Variants in IL17RD observed in about 807,000 individuals in gnomAD.
The protein encoded by IL17RD is interleukin 17 receptor D, also known as interleukin-17 receptor D.
In IL17RD, 52 loss-of-function variants were observed where a neutral mutation model predicts 80.5. The ratio of observed to expected loss-of-function variants is 0.65; its 90% confidence interval spans 0.52 to 0.81. The LOEUF is 0.81. Ranked by LOEUF, IL17RD falls within the 40% of genes least tolerant of loss-of-function variation. The pLI, the probability that IL17RD is intolerant of heterozygous loss-of-function variation, is 0.00. For missense variants in IL17RD, 1,024 were observed against 955.1 expected, an observed-to-expected ratio of 1.07 and a Z score of -0.95; for synonymous variants, 416 against 391.8, an observed-to-expected ratio of 1.06 and a Z score of -0.73.
intron 5 of IL17RD, among the ~76,000 whole-genome samples, chr3:57,108,718 A>ATTTTTCAGGCTG (rs1433179106): frequency 1.3e-5 from 2 of 150,030 alleles, no homozygotes; most frequent in Non-Finnish European, 3.0e-5. Context: ...GTTTCACCAT[A>ATTTTTCAGGCTG]TTTTTCAGGC....
At position 57,110,679 on chromosome 3, in the gene IL17RD, T is replaced by G. The variant is rs1298097070; in HGVS notation, c.311-368A>C. ...TACACAGAATACATTTGGCTGATGA[T>G]AATTTCCAGTGTTGACTAGGGAATC... On this transcript the variant is annotated intron_variant, in intron 3 of 12. Coordinates refer to ENST00000296318, the MANE Select transcript of IL17RD (RefSeq NM_017563.5). Among the ~76,000 whole-genome samples, 4 of 152,264 alleles carry G rather than the reference T, an allele frequency of 2.6e-5. No homozygotes were observed. The East Asian group carries it at 7.7e-4, about 29-fold the overall frequency.
intron 1 of IL17RD, among the ~76,000 whole-genome samples, chr3:57,145,044 T>C (rs1394525893): frequency 6.6e-6 from 1 of 152,162 alleles, no homozygotes; most frequent in African/African-American, 2.4e-5. Context: ...CATATGCAGA[T>C]CAACTGTCAA....
chr3:57,137,722 T>C (rs766830855), intron 1 of IL17RD, among the ~76,000 whole-genome samples: 21 of 152,216 alleles, frequency 1.4e-4, no homozygotes, highest in Non-Finnish European at 3.1e-4. Context: ...TTTTCACTTC[T>C]CTTCCCTCCA....
chr3:57,163,310 G>GA (rs1387236424), intron 1 of IL17RD, among the ~76,000 whole-genome samples: 1 of 152,176 alleles, frequency 6.6e-6, no homozygotes, highest in Non-Finnish European at 1.5e-5. Flanking sequence ...CTGTGGTGGA[G>GA]AAAACGTCAG....
Position 57,092,772 on chromosome 3 carries a change from A to T in IL17RD, c.*3621T>A, listed in dbSNP as rs1358016036. On this transcript the variant is annotated 3_prime_UTR_variant, in exon 13 of 13. Coordinates refer to ENST00000296318, the MANE Select transcript of IL17RD (RefSeq NM_017563.5). Reference sequence around the variant, plus strand: ...CTTTGCGGGGGAGACTGGAGAAAGAAGCAATCTAACTACTGGCTGCATTTA... The same window carrying T: ...CTTTGCGGGGGAGACTGGAGAAAGATGCAATCTAACTACTGGCTGCATTTA... 6.6e-6 allele frequency: 1 copy of T among 152,192 alleles called. No homozygotes were observed. The highest frequency in any genetic ancestry group is 1.5e-5 in the Non-Finnish European group (1 of 68,034). The allele number at this position is 152,192 out of a possible 1,614,324, so 9.4% of individuals were successfully genotyped here. A position where few individuals can be genotyped will look rare whatever the true frequency, so the allele number is the denominator to read the frequency against.
In IL17RD at chr3:57,102,596, A is replaced by C; in HGVS notation, c.869-7T>G. ...CCGGCCCACGGGGAGTGCACTGGGA[A>C]ATTTCAAAGGGAAAGTTTTTAAACT... On this transcript the variant is annotated splice_polypyrimidine_tract_variant and splice_region_variant and intron_variant, in intron 9 of 12. Transcript: ENST00000296318. The C allele has an allele frequency of 1.4e-6, 2 of 1,443,740 alleles. No homozygotes were observed. Among genetic ancestry groups the C allele is most frequent in the Non-Finnish European group, 1.9e-6 (2 of 1,049,292 alleles). The allele number at this position is 1,443,740 out of a possible 1,614,324, so 89.4% of individuals were successfully genotyped here. A position where few individuals can be genotyped will look rare whatever the true frequency, so the allele number is the denominator to read the frequency against.
At chr3:57,163,792 GC>G (rs1256618323) in intron 1 of IL17RD, among the ~76,000 whole-genome samples, 1,205 of 88,300 alleles carry the variant, frequency 0.014, 42 homozygotes, top group African/African-American at 0.048. Context: ...GGGCGGGGGG[GC>G]GGGGGGGGAA....
intron 10 of IL17RD, 90 bp downstream of exon 10, chr3:57,102,389 A>C (rs1380995461): frequency 3.5e-6 from 2 of 565,828 alleles, no homozygotes; most frequent in Non-Finnish European, 5.9e-6. Context: ...GCCATCCTGG[A>C]GGACCCAGGT....
At chr3:57,153,501 G>A (rs1559486124) in intron 1 of IL17RD, among the ~76,000 whole-genome samples, 2 of 152,238 alleles carry the variant, frequency 1.3e-5, no homozygotes, top group Non-Finnish European at 2.9e-5. Context: ...CTGTATTAAA[G>A]GAGGCTAAAG....
At chr3:57,143,734 G>A (rs571207734) in intron 1 of IL17RD, among the ~76,000 whole-genome samples, 2 of 152,350 alleles carry the variant, frequency 1.3e-5, no homozygotes, top group African/African-American at 2.4e-5. Flanking sequence ...CAGAGTCCAG[G>A]GCCAGGCCCT....
chr3:57,140,613 G>A (rs778741440), intron 1 of IL17RD, among the ~76,000 whole-genome samples: 16 of 152,142 alleles, frequency 1.1e-4, no homozygotes, highest in Admixed American at 6.5e-4. Context: ...TACATCCATA[G>A]CCCCGAAAGG....
At chr3:57,127,273 AAAATAT>A (rs1353584494) in intron 1 of IL17RD, among the ~76,000 whole-genome samples, 2 of 81,378 alleles carry the variant, frequency 2.5e-5, no homozygotes, top group African/African-American at 1.2e-4. Context: ...AATATATATA[AAAATAT>A]ATATAAATAT....
In IL17RD at chr3:57,165,221, C is replaced by T; in HGVS notation, c.66G>A (p.Gln22=). ...FTVNACLNGS[Q]LAVAAGGSGR... is the part of the protein sequence containing the mutation. ...CGGACCCGCCAGCGGCCACAGCCAG[C>T]TGCGAGCCGTTGAGGCAGGCGTTGA... The change falls in exon 1 of 13, where the codon CAG becomes CAA. Residue 22 remains glutamine, a synonymous_variant. Transcript: ENST00000296318. 6.5e-7 allele frequency: 1 copy of T among 1,531,352 alleles called. No homozygotes were observed. The allele number at this position is 1,531,352 out of a possible 1,614,324, so 94.9% of individuals were successfully genotyped here. A position where few individuals can be genotyped will look rare whatever the true frequency, so the allele number is the denominator to read the frequency against.
At chr3:57,115,411 G>A (rs989690390) in intron 2 of IL17RD, among the ~76,000 whole-genome samples, 1 of 152,082 alleles carries the variant, frequency 6.6e-6, no homozygotes, top group African/African-American at 2.4e-5. Flanking sequence ...TAGACACCAT[G>A]TGTCATCAAA....
intron 1 of IL17RD, among the ~76,000 whole-genome samples, chr3:57,163,796 G>C (rs1418667623): frequency 8.4e-6 from 1 of 118,924 alleles, no homozygotes; most frequent in East Asian, 3.1e-4. Context: ...GGGGGGGCGG[G>C]GGGGGAAGGG....
chr3:57,149,139 T>C (rs1339910871), intron 1 of IL17RD, among the ~76,000 whole-genome samples: 1 of 151,648 alleles, frequency 6.6e-6, no homozygotes, highest in African/African-American at 2.4e-5. Flanking sequence ...TGGTGAAAAA[T>C]ACAAAAATTA....
intron 3 of IL17RD, 80 bp downstream of exon 3, chr3:57,114,612 T>G: frequency 7.3e-7 from 1 of 1,372,432 alleles, no homozygotes; most frequent in East Asian, 2.4e-5. Flanking sequence ...GCCTGGTTCC[T>G]GGAGACCATC....
chr3:57,124,927 T>A (rs1453936555), intron 1 of IL17RD, among the ~76,000 whole-genome samples: 1 of 152,146 alleles, frequency 6.6e-6, no homozygotes, highest in African/African-American at 2.4e-5. Context: ...CATGCACCCA[T>A]CAGAGCTGCC....
chr3:57,101,145 G>A, intron 11 of IL17RD, 34 bp downstream of exon 11: 3 of 1,586,316 alleles, frequency 1.9e-6, no homozygotes, highest in Non-Finnish European at 2.6e-6. Flanking sequence ...AAGTGTCCTG[G>A]CCAGGGTAGG....
Sources: allele counts gnomAD v4.1 joint callset (sites outside exome capture counted in the v4.1 genomes callset), GRCh38; gene constraint gnomAD v4.1.1; transcripts MANE v1.5; gene names NCBI Gene and HGNC (gene_info 2026-07-23, HGNC 2026-07-21).